DENND1A: variants seen among roughly 807,000 people sequenced by gnomAD.
DENND1A encodes the protein DENN domain containing 1A, also known as DENN domain-containing protein 1A.
Under a neutral mutation model 113.7 loss-of-function variants are expected in DENND1A, and 51 were observed. That is an observed-to-expected ratio of 0.45 (90% CI 0.36 to 0.57). DENND1A has a LOEUF of 0.57. Ranked by LOEUF, DENND1A falls within the 20% of genes least tolerant of loss-of-function variation. The probability of loss-of-function intolerance (pLI) is 0.00; values close to 1 mark genes in which losing one functional copy is unlikely to be tolerated. For missense variants in DENND1A, 1,258 were observed against 1,395.9 expected, an observed-to-expected ratio of 0.90 and a Z score of 1.57; for synonymous variants, 565 against 570.8, an observed-to-expected ratio of 0.99 and a Z score of 0.14.
chr9:123,523,791 T>C (rs761062566), intron 13 of DENND1A, among the ~76,000 whole-genome samples: 1 of 152,174 alleles, frequency 6.6e-6, no homozygotes, highest in Non-Finnish European at 1.5e-5. Context: ...AAGTATTCAA[T>C]GTATGGGCTA....
intron 2 of DENND1A, among the ~76,000 whole-genome samples, chr9:123,833,884 C>A (rs1397527126): frequency 6.6e-6 from 1 of 152,102 alleles, no homozygotes; most frequent in African/African-American, 2.4e-5. Flanking sequence ...CACGGTGAAA[C>A]CCCCTCTCTA....
chr9:123,797,543 T>A (rs1418015145), intron 2 of DENND1A, among the ~76,000 whole-genome samples: 1 of 152,154 alleles, frequency 6.6e-6, no homozygotes, highest in Non-Finnish European at 1.5e-5. Flanking sequence ...CTTGATAAGA[T>A]GACCGCAAAC....
intron 19 of DENND1A, among the ~76,000 whole-genome samples, chr9:123,418,509 C>G (rs187609739): frequency 4.4e-4 from 67 of 152,318 alleles, no homozygotes; most frequent in Admixed American, 7.8e-4. Context: ...AACTTAATTA[C>G]CTGGGTGGCA....
intron 11 of DENND1A, among the ~76,000 whole-genome samples, chr9:123,601,811 T>C (rs994490616): frequency 2.6e-5 from 4 of 152,172 alleles, no homozygotes; most frequent in Non-Finnish European, 4.4e-5. Context: ...GTGGACCAGG[T>C]AAGAGTGGAC....
intron 5 of DENND1A, among the ~76,000 whole-genome samples, chr9:123,726,072 G>A (rs754300965): frequency 2.0e-5 from 3 of 152,104 alleles, no homozygotes; most frequent in Non-Finnish European, 4.4e-5. Context: ...ACTATGATAC[G>A]ACTTTATACA....
At chr9:123,678,920 T>C (rs2064262580) in intron 5 of DENND1A, among the ~76,000 whole-genome samples, 1 of 152,162 alleles carries the variant, frequency 6.6e-6, no homozygotes, top group African/African-American at 2.4e-5. Context: ...TTCTGTTAAA[T>C]AAACCTCGGC....
rs938937279 is a variant in DENND1A at position 123,724,520 on chromosome 9, A to T, written c.302+33183T>A. Among the ~76,000 whole-genome samples the T allele has an allele frequency of 3.8e-4, 21 of 55,198 alleles. No individual in the cohort carries two copies. In the African/African-American group the frequency reaches 6.7e-3, roughly 18 times the overall value. The allele number at this position is 55,198 out of a possible 152,430, so 36.2% of individuals were successfully genotyped here. A position where few individuals can be genotyped will look rare whatever the true frequency, so the allele number is the denominator to read the frequency against. ...GACAGGACAGAGAAGCATAAAATTA[A>T]AAAAAAAAAAAAAGTCATTGAGCAG... On this transcript the variant is annotated intron_variant, in intron 5 of 23. Coordinates refer to ENST00000394215, the MANE Select transcript of DENND1A (RefSeq NM_001352964.2).
intron 5 of DENND1A, among the ~76,000 whole-genome samples, chr9:123,735,320 C>T (rs925818914): frequency 1.3e-5 from 2 of 152,214 alleles, no homozygotes; most frequent in Non-Finnish European, 2.9e-5. Context: ...CTCTCTCTCG[C>T]AACCCTTTGA....
intron 5 of DENND1A, among the ~76,000 whole-genome samples, chr9:123,679,616 GTCT>G (rs1056260686): frequency 6.6e-6 from 1 of 152,164 alleles, no homozygotes; most frequent in East Asian, 1.9e-4. Context: ...AAACCCAGCT[GTCT>G]TCTTCTTCAA....
chr9:123,880,678 TTAC>T (rs1442828156), intron 1 of DENND1A, among the ~76,000 whole-genome samples: 1 of 152,180 alleles, frequency 6.6e-6, no homozygotes, highest in African/African-American at 2.4e-5. Context: ...TGTGTCAGGA[TTAC>T]TACAACCATA....
chr9:123,522,981 C>G (rs568804973), intron 13 of DENND1A, among the ~76,000 whole-genome samples: 5 of 152,220 alleles, frequency 3.3e-5, no homozygotes, highest in Non-Finnish European at 7.3e-5. Context: ...ACTGAGCTCT[C>G]TTTTCCTTCC....
intron 9 of DENND1A, 96 bp downstream of exon 9, chr9:123,651,917 C>A: frequency 9.6e-7 from 1 of 1,039,042 alleles, no homozygotes; most frequent in East Asian, 2.6e-5. Flanking sequence ...GGGACTGTAG[C>A]TGACTCCTTT....
At chr9:123,734,358 A>T (rs1362811482) in intron 5 of DENND1A, among the ~76,000 whole-genome samples, 1 of 152,150 alleles carries the variant, frequency 6.6e-6, no homozygotes, top group African/African-American at 2.4e-5. Context: ...AACTTTCTTT[A>T]TCAGAGTTCA....
intron 13 of DENND1A, among the ~76,000 whole-genome samples, chr9:123,516,228 G>C (rs117608403): frequency 3.5e-4 from 53 of 152,194 alleles, no homozygotes; most frequent in Non-Finnish European, 7.2e-4. Flanking sequence ...GGTTGAAGCT[G>C]TGTGATGGGT....
intron 3 of DENND1A, among the ~76,000 whole-genome samples, chr9:123,778,060 T>G (rs1005848018): frequency 3.3e-5 from 5 of 152,184 alleles, no homozygotes; most frequent in African/African-American, 7.2e-5. Context: ...GGAGGTGATA[T>G]GAAACACTAC....
intron 11 of DENND1A, among the ~76,000 whole-genome samples, chr9:123,595,081 C>T (rs959075841): frequency 5.9e-5 from 9 of 152,184 alleles, no homozygotes; most frequent in Non-Finnish European, 1.3e-4. Flanking sequence ...CGCTGATTTG[C>T]TCCTTCCTGC....
intron 18 of DENND1A, among the ~76,000 whole-genome samples, chr9:123,444,935 G>A (rs559517516): frequency 7.2e-5 from 11 of 152,170 alleles, no homozygotes; most frequent in Non-Finnish European, 1.6e-4. Flanking sequence ...ACATATCAGG[G>A]GCCACCACAG....
intron 2 of DENND1A, among the ~76,000 whole-genome samples, chr9:123,864,430 G>T (rs1564410301): frequency 6.6e-6 from 1 of 152,176 alleles, no homozygotes; most frequent in Non-Finnish European, 1.5e-5. Flanking sequence ...TTTCCCAGGG[G>T]TGGCAGAAAA....
chr9:123,874,974 C>G (rs901871502), intron 2 of DENND1A, among the ~76,000 whole-genome samples: 1 of 152,192 alleles, frequency 6.6e-6, no homozygotes, highest in African/African-American at 2.4e-5. Context: ...TAGCCAAAAA[C>G]TGCGAACAAC....
Sources: gnomAD v4.1 joint callset for allele counts (sites outside exome capture counted in the v4.1 genomes callset) on GRCh38, gnomAD v4.1.1 for gene constraint, MANE v1.5 for transcripts, NCBI Gene and HGNC (gene_info 2026-07-23, HGNC 2026-07-21) for gene names.